ZNF821: variants seen among roughly 807,000 people sequenced by gnomAD.
ZNF821 encodes zinc finger protein 821.
ZNF821 carries 16 observed loss-of-function variants against 44.3 expected under a neutral mutation model. The observed-to-expected ratio is 0.36, with a 90% CI of 0.24 to 0.55. The LOEUF is 0.55. Ranked by LOEUF, ZNF821 falls within the 20% of genes least tolerant of loss-of-function variation. The pLI, the probability that ZNF821 is intolerant of heterozygous loss-of-function variation, is 0.86. For synonymous variants in ZNF821, 204 were observed against 197.6 expected (o/e 1.03, Z -0.27); for missense variants, 436 against 547.6 (o/e 0.80, Z 2.03).
chr16:71,862,049 A>T, intron 6 of ZNF821, 107 bp from the exon 7 acceptor site: 1 of 1,320,042 alleles, frequency 7.6e-7, no homozygotes, highest in South Asian at 1.3e-5. Flanking sequence ...GTCTCAGAAT[A>T]AGGAACTTCC....
At chr16:71,893,322 CG>C (rs2036902804) in intron 1 of ZNF821, among the ~76,000 whole-genome samples, 1 of 151,082 alleles carries the variant, frequency 6.6e-6, no homozygotes, top group Non-Finnish European at 1.5e-5. Context: ...CCACCGCGCC[CG>C]GCCAATTTTT....
At chr16:71,885,770 A>T (rs1157511555), upstream of ZNF821, among the ~76,000 whole-genome samples, 2 of 152,244 alleles carry the variant, frequency 1.3e-5, no homozygotes, top group Non-Finnish European at 2.9e-5. Flanking sequence ...TGATTAGGAT[A>T]CTTAGATAGC....
chr16:71,863,991 C>T, intron 6 of ZNF821, 147 bp downstream of exon 6: 2 of 720,728 alleles, frequency 2.8e-6, no homozygotes, highest in Non-Finnish European at 4.7e-6. Context: ...AGCCACTGCG[C>T]CCAGCCTCCC....
intron 2 of ZNF821, chr16:71,881,510 T>C (rs1485676252): frequency 6.6e-6 from 1 of 152,226 alleles, no homozygotes; most frequent in Non-Finnish European, 1.5e-5. Flanking sequence ...TAGAGGGCAA[T>C]ATACTGAGTG....
At chr16:71,870,078 A>G (rs116967575) in intron 3 of ZNF821, among the ~76,000 whole-genome samples, 1 of 152,338 alleles carries the variant, frequency 6.6e-6, no homozygotes, top group East Asian at 1.9e-4. Flanking sequence ...CCTTCATACC[A>G]TGAGAAATGG....
chr16:71,874,024 C>A (rs911398483), intron 3 of ZNF821, among the ~76,000 whole-genome samples: 4 of 148,568 alleles, frequency 2.7e-5, no homozygotes, highest in Non-Finnish European at 5.9e-5. Flanking sequence ...AATGGCGCGA[C>A]CTTGGCTCAC....
At chr16:71,869,191 C>T (rs991696799) in intron 3 of ZNF821, among the ~76,000 whole-genome samples, 7 of 152,130 alleles carry the variant, frequency 4.6e-5, no homozygotes, top group Admixed American at 3.9e-4. Context: ...CACCAGACAG[C>T]AAGAGGGAAT....
chr16:71,885,724 A>ATT (rs2036826859), upstream of ZNF821, among the ~76,000 whole-genome samples: 3 of 152,226 alleles, frequency 2.0e-5, no homozygotes, highest in Non-Finnish European at 2.9e-5. Flanking sequence ...ATTCTGTGAT[A>ATT]AATAGCTCAT....
intron 1 of ZNF821, 136 bp from the exon 2 acceptor site, chr16:71,883,409 T>C (rs2036630748): frequency 2.9e-6 from 1 of 349,092 alleles, no homozygotes; most frequent in Non-Finnish European, 5.6e-6. Context: ...CCCAGGTAAA[T>C]TCCCAGGAAT....
At chr16:71,879,765 C>G in intron 3 of ZNF821, 142 bp downstream of exon 3, 1 of 789,818 alleles carries the variant, frequency 1.3e-6, no homozygotes, top group Non-Finnish European at 2.0e-6. Flanking sequence ...TTCTTTTTTT[C>G]TCTTCTGCTC....
chr16:71,882,259 A>C (rs1300189696), intron 2 of ZNF821: 2 of 139,486 alleles, frequency 1.4e-5, no homozygotes, highest in Non-Finnish European at 3.1e-5. Flanking sequence ...ACAGAACGAG[A>C]CTCCGTCTCA....
chr16:71,887,583 A>G (rs1175847226), upstream of ZNF821, among the ~76,000 whole-genome samples: 2 of 152,166 alleles, frequency 1.3e-5, no homozygotes, highest in African/African-American at 4.8e-5. Flanking sequence ...CTTTTTGAGG[A>G]AGTGCTAAAC....
chr16:71,864,316 G>A (rs1386743870), intron 5 of ZNF821, 74 bp from the exon 6 acceptor site: 7 of 1,354,312 alleles, frequency 5.2e-6, no homozygotes, highest in East Asian at 2.3e-5. Context: ...TTTAAACAGG[G>A]TATCCTGTTA....
chr16:71,862,075 C>A (rs2033962535), intron 6 of ZNF821, 133 bp from the exon 7 acceptor site: 2 of 1,077,620 alleles, frequency 1.9e-6, no homozygotes, highest in Non-Finnish European at 2.6e-6. Flanking sequence ...TTCTGTTTAG[C>A]CCCTAGAAAA....
intron 5 of ZNF821, 61 bp from the exon 6 acceptor site, chr16:71,864,303 C>G: frequency 6.8e-7 from 1 of 1,469,110 alleles, no homozygotes; most frequent in Non-Finnish European, 9.5e-7. Flanking sequence ...CCTGCCCCAG[C>G]TTTTTAAACA....
At chr16:71,868,968 G>GTTTT (rs534354216) in intron 3 of ZNF821, among the ~76,000 whole-genome samples, 1 of 150,806 alleles carries the variant, frequency 6.6e-6, no homozygotes, top group African/African-American at 2.4e-5. Flanking sequence ...GGCCAGTCCA[G>GTTTT]TTTTTTTTTA....
Position 71,859,861 on chromosome 16 carries a change from T to C in ZNF821, c.*157A>G. On this transcript the variant is annotated 3_prime_UTR_variant, in exon 8 of 8. Transcript: ENST00000425432. ...TCCTGACCCCATCATCCTGTTCCCA[T>C]ATGCAAGGGCTGCTCAGGTCCACCT... is the stretch of plus-strand genomic sequence containing the variant. 2.5e-6 allele frequency: 2 copies of C among 816,186 alleles called. No homozygotes were observed. Among genetic ancestry groups the C allele is most frequent in the Non-Finnish European group, 3.7e-6 (2 of 534,950 alleles). The allele number at this position is 816,186 out of a possible 1,614,324, so 50.6% of individuals were successfully genotyped here.
In ZNF821 at chr16:71,861,801, A is replaced by G; in HGVS notation, c.559T>C (p.Phe187Leu). The G allele has an allele frequency of 6.2e-7, 1 of 1,614,152 alleles. No individual in the cohort carries two copies. The highest frequency in any genetic ancestry group is 8.5e-7 in the Non-Finnish European group (1 of 1,180,036). Residue 187 changes from phenylalanine to leucine, a missense_variant, in exon 7 of 8, where the codon TTC (phenylalanine) becomes CTC (leucine). Physicochemically the swap from Phe to Leu is conservative, Grantham distance 22. Coordinates refer to ENST00000425432, the MANE Select transcript of ZNF821 (RefSeq NM_001201552.2). ...RSNCAVCGAR[F>L]TSHATFNSEK... ...CTGTTAAAAGTGGCATGGCTGGTGAACCGGGCTCCACACACAGCACAGTTA... is the reference window on the plus strand; with the variant it reads ...CTGTTAAAAGTGGCATGGCTGGTGAGCCGGGCTCCACACACAGCACAGTTA...
Position 71,860,612 on chromosome 16 carries a change from G to A in ZNF821, c.645C>T (p.Pro215=), listed in dbSNP as rs750130821. 2 of 1,614,000 alleles carry A rather than the reference G, an allele frequency of 1.2e-6. No homozygotes were observed. Among genetic ancestry groups the A allele is most frequent in the African/African-American group, 2.7e-5 (2 of 74,920 alleles). ...ESLPTVHNEG[P]SSAEGKDIAF... The stretch of plus-strand genomic sequence containing the variant: ...CAATATCCTTCCCCTCAGCACTGGA[G>A]GGACCCTCATTGTGGACTGTGGGTA... The change falls in exon 8 of 8, where the codon CCC becomes CCT. Residue 215 remains proline (P), a synonymous_variant. Coordinates refer to ENST00000425432, the MANE Select transcript of ZNF821 (RefSeq NM_001201552.2). The surrounding 1 kb of genome is among the most constrained non-coding windows in gnomAD (Gnocchi z 7.3).
Sources: allele counts gnomAD v4.1 joint callset (sites outside exome capture counted in the v4.1 genomes callset), GRCh38; gene constraint gnomAD v4.1.1; non-coding constraint Gnocchi (gnomAD v3.1); transcripts MANE v1.5; gene names NCBI Gene and HGNC (gene_info 2026-07-23, HGNC 2026-07-21).